Variants in GRIN2B observed in about 807,000 individuals in gnomAD.
GRIN2B encodes the protein glutamate ionotropic receptor NMDA type subunit 2B.
A neutral mutation model predicts 114.5 loss-of-function variants in GRIN2B; 5 were observed. The observed-to-expected ratio is 0.04, with a 90% CI of 0.02 to 0.09. The LOEUF (loss-of-function observed/expected upper bound fraction) is 0.09, where lower values mean the gene tolerates loss of function less well. Ranked by LOEUF, GRIN2B falls within the 10% of genes least tolerant of loss-of-function variation. GRIN2B has a pLI of 1.00. For synonymous variants in GRIN2B, 787 were observed against 745.1 expected (o/e 1.06, Z -0.92); for missense variants, 1,108 against 1,943.5 (o/e 0.57, Z 8.08).
chr12:13,900,618 C>T (rs537797761), intron 2 of GRIN2B, among the ~76,000 whole-genome samples: 42 of 152,254 alleles, frequency 2.8e-4, no homozygotes, highest in African/African-American at 9.1e-4. Context: ...TAACCTTCTC[C>T]CTCACCAGTG....
intron 3 of GRIN2B, among the ~76,000 whole-genome samples, chr12:13,764,327 C>T (rs1423524581): frequency 2.0e-5 from 3 of 152,196 alleles, no homozygotes; most frequent in Non-Finnish European, 4.4e-5. Flanking sequence ...TCCTGGAGCC[C>T]ATCTTGTCCC....
At chr12:13,605,648 G>A (rs1374985227) in intron 10 of GRIN2B, among the ~76,000 whole-genome samples, 2 of 150,748 alleles carry the variant, frequency 1.3e-5, no homozygotes, top group Non-Finnish European at 2.9e-5. Flanking sequence ...AACACGGTAT[G>A]GAGGACAGAC....
At chr12:13,929,697 A>G (rs1866987622) in intron 2 of GRIN2B, among the ~76,000 whole-genome samples, 1 of 152,150 alleles carries the variant, frequency 6.6e-6, no homozygotes, top group Non-Finnish European at 1.5e-5. Context: ...ACTCCATGTC[A>G]GTGGTTTGAA....
chr12:13,948,477 GA>G (rs934048767), intron 2 of GRIN2B, among the ~76,000 whole-genome samples: 18 of 152,250 alleles, frequency 1.2e-4, no homozygotes, highest in African/African-American at 4.3e-4. Context: ...TTGGGTCTTA[GA>G]TTTTTTTATA....
intron 4 of GRIN2B, among the ~76,000 whole-genome samples, chr12:13,743,257 C>A (rs536279139): frequency 6.6e-6 from 1 of 152,256 alleles, no homozygotes; most frequent in Non-Finnish European, 1.5e-5. Context: ...GCTCAGAGCC[C>A]TTTTCTGCTT....
intron 5 of GRIN2B, among the ~76,000 whole-genome samples, chr12:13,641,781 A>G (rs1359103460): frequency 6.6e-6 from 1 of 152,192 alleles, no homozygotes; most frequent in Non-Finnish European, 1.5e-5. Flanking sequence ...TAGAAAATAT[A>G]GGCCTCCTTC....
At chr12:13,731,199 C>G (rs891654942) in intron 4 of GRIN2B, among the ~76,000 whole-genome samples, 5 of 152,198 alleles carry the variant, frequency 3.3e-5, no homozygotes, top group African/African-American at 1.2e-4. Context: ...GTAGGCACTA[C>G]AAGACATCCT....
At chr12:13,725,634 T>G (rs1329796414) in intron 4 of GRIN2B, among the ~76,000 whole-genome samples, 1 of 152,140 alleles carries the variant, frequency 6.6e-6, no homozygotes, top group African/African-American at 2.4e-5. Flanking sequence ...TAGCTTGTAT[T>G]TATTTGTTTA....
In GRIN2B at chr12:13,540,219, A is replaced by G. The variant is rs918426851; in HGVS notation, c.*22564T>C. 3 of 152,188 alleles carry G rather than the reference A, an allele frequency of 2.0e-5. No homozygotes were observed. Among genetic ancestry groups the G allele is most frequent in the African/African-American group, 7.2e-5 (3 of 41,456 alleles). The allele number at this position is 152,188 out of a possible 1,614,324, so 9.4% of individuals were successfully genotyped here. On this transcript the variant is annotated 3_prime_UTR_variant, in exon 14 of 14. Coordinates refer to ENST00000609686, the MANE Select transcript of GRIN2B (RefSeq NM_000834.5). ...AAGAAAGCACAAAGACCAAGAAAAA[A>G]ACTCTGATTCTGGATTTTTTTTAAC... is the stretch of plus-strand genomic sequence containing the variant.
chr12:13,924,471 C>T (rs1404137432), intron 2 of GRIN2B, among the ~76,000 whole-genome samples: 1 of 152,066 alleles, frequency 6.6e-6, no homozygotes, highest in Non-Finnish European at 1.5e-5. Context: ...AGTGGCCACC[C>T]TACAGGAGCT....
chr12:13,761,817 GA>G (rs539132597), intron 3 of GRIN2B, among the ~76,000 whole-genome samples: 1 of 151,930 alleles, frequency 6.6e-6, no homozygotes, highest in Non-Finnish European at 1.5e-5. Context: ...GGAAAGGTTG[GA>G]AAAAAATGAA....
chr12:13,669,499 G>A (rs1033544322), intron 5 of GRIN2B, among the ~76,000 whole-genome samples: 3 of 152,024 alleles, frequency 2.0e-5, no homozygotes, highest in South Asian at 2.1e-4. Context: ...GAATAAACAC[G>A]CTTGCCATGA....
intron 3 of GRIN2B, among the ~76,000 whole-genome samples, chr12:13,816,649 C>T (rs1250450521): frequency 6.6e-6 from 1 of 152,136 alleles, no homozygotes; most frequent in Non-Finnish European, 1.5e-5. Context: ...GAAACTAAAG[C>T]ATCGCTCCAA....
intron 4 of GRIN2B, among the ~76,000 whole-genome samples, chr12:13,745,956 C>T (rs1863373904): frequency 6.6e-6 from 1 of 150,940 alleles, no homozygotes; most frequent in Non-Finnish European, 1.5e-5. Context: ...AGGCACTGTG[C>T]TGAGAATACA....
At chr12:13,846,065 G>A (rs1865468355) in intron 3 of GRIN2B, among the ~76,000 whole-genome samples, 1 of 152,114 alleles carries the variant, frequency 6.6e-6, no homozygotes, top group African/African-American at 2.4e-5. Flanking sequence ...GAAACTTCTT[G>A]AATAGATTGT....
intron 4 of GRIN2B, among the ~76,000 whole-genome samples, chr12:13,708,599 T>G (rs1207651812): frequency 6.6e-6 from 1 of 152,066 alleles, no homozygotes; most frequent in Non-Finnish European, 1.5e-5. Flanking sequence ...AGAGGAGACA[T>G]TGAATTTGTG....
At chr12:13,886,040 G>C (rs1866151448) in intron 2 of GRIN2B, among the ~76,000 whole-genome samples, 3 of 152,080 alleles carry the variant, frequency 2.0e-5, no homozygotes, top group Non-Finnish European at 4.4e-5. Flanking sequence ...GCCCTGATTA[G>C]AAGAGTGCAA....
chr12:13,939,490 A>G (rs1268077775), intron 2 of GRIN2B, among the ~76,000 whole-genome samples: 1 of 143,288 alleles, frequency 7.0e-6, no homozygotes, highest in Admixed American at 7.0e-5. Flanking sequence ...ACCTTCTACT[A>G]TGATTGAAGG....
At chr12:13,762,875 GTTTTT>G (rs148959567) in intron 3 of GRIN2B, among the ~76,000 whole-genome samples, 4 of 149,502 alleles carry the variant, frequency 2.7e-5, no homozygotes, top group African/African-American at 9.8e-5. Flanking sequence ...TTCTGAGAAA[GTTTTT>G]TTTTTGTTTG....
Sources: gnomAD v4.1 joint callset for allele counts (sites outside exome capture counted in the v4.1 genomes callset) on GRCh38, gnomAD v4.1.1 for gene constraint, MANE v1.5 for transcripts, NCBI Gene and HGNC (gene_info 2026-07-23, HGNC 2026-07-21) for gene names.